Variants in ARMC9 observed in about 807,000 individuals in gnomAD.
ARMC9 encodes the protein armadillo repeat containing 9.
A neutral mutation model predicts 107.0 loss-of-function variants in ARMC9; 94 were observed. That is an observed-to-expected ratio of 0.88 (90% confidence interval 0.74 to 1.04). The LOEUF (loss-of-function observed/expected upper bound fraction) is 1.04. Ranked by LOEUF, ARMC9 falls within the 50% of genes least tolerant of loss-of-function variation. The probability of loss-of-function intolerance (pLI) is 0.00; values close to 1 mark genes in which losing one functional copy is unlikely to be tolerated. For missense variants in ARMC9, 942 were observed against 1,030.1 expected (o/e 0.91, Z 1.17); for synonymous variants, 380 against 396.9 (o/e 0.96, Z 0.51).
At chr2:231,288,769 C>T (rs781010826) in intron 17 of ARMC9, 9 of 469,214 alleles carry the variant, frequency 1.9e-5, no homozygotes, top group East Asian at 6.9e-5. Flanking sequence ...GGCTACGCAC[C>T]GTGGTTTGAC....
rs1407410858 is a variant in ARMC9, at chr2:231,373,045, TCATGTGACTGGCCTGGTGGC to T, written c.*1513_*1532del. 6.6e-6 allele frequency: 1 copy of T among 152,176 alleles called. No individual in the cohort carries two copies. The highest frequency in any genetic ancestry group is 1.5e-5 in the Non-Finnish European group (1 of 68,060). The allele number at this position is 152,176 out of a possible 1,614,324, so 9.4% of individuals were successfully genotyped here. ...TCCAGGCTGGGCACATTAGATGCTG[TCATGTGACTGGCCTGGTGGC>T]CACCTCTTGGTTCTCTGGAAATGTG... On this transcript the variant is annotated 3_prime_UTR_variant, in exon 25 of 25. Transcript: ENST00000611582. The surrounding 1 kb of genome is among the most constrained non-coding windows in gnomAD (Gnocchi z 4.4).
At chr2:231,245,063 C>G (rs1008983978) in intron 9 of ARMC9, among the ~76,000 whole-genome samples, 1 of 152,204 alleles carries the variant, frequency 6.6e-6, no homozygotes, top group African/African-American at 2.4e-5. Flanking sequence ...TCGAAGCTGG[C>G]ACAGGTGTCT....
intron 17 of ARMC9, among the ~76,000 whole-genome samples, chr2:231,289,125 T>G (rs1310672014): frequency 6.6e-6 from 1 of 152,216 alleles, no homozygotes; most frequent in Non-Finnish European, 1.5e-5. Flanking sequence ...ATGACTTCTT[T>G]CTATAATTTA....
chr2:231,229,501 A>G lies in ARMC9; in HGVS notation c.622+2703A>G, dbSNP rs77227354. Among the ~76,000 whole-genome samples the G allele has an allele frequency of 3.5e-3, 533 of 152,342 alleles. 6 individuals are homozygous for G. Among genetic ancestry groups the G allele is most frequent in the African/African-American group, 0.012 (508 of 41,578 alleles). On this transcript the variant is annotated intron_variant, in intron 7 of 24. Coordinates refer to ENST00000611582, the MANE Select transcript of ARMC9 (RefSeq NM_001352754.2). Reference sequence around the variant, plus strand: ...ATAAAAACAGGTTGACAATGTAGTAACATCGGATTATTATTTTCACCTAGT... The same window carrying G: ...ATAAAAACAGGTTGACAATGTAGTAGCATCGGATTATTATTTTCACCTAGT...
chr2:231,298,857 C>A (rs2041544744), intron 19 of ARMC9, among the ~76,000 whole-genome samples: 1 of 152,194 alleles, frequency 6.6e-6, no homozygotes, highest in African/African-American at 2.4e-5. Context: ...TCACCTGAAC[C>A]TGGGAGGCGG....
intron 11 of ARMC9, 61 bp downstream of exon 11, chr2:231,259,163 G>A: frequency 7.2e-7 from 1 of 1,391,156 alleles, no homozygotes; most frequent in Middle Eastern, 1.8e-4. Flanking sequence ...TTTCTTGGCT[G>A]GCTACCTTGC....
chr2:231,290,899 CA>C (rs1161575155), intron 17 of ARMC9, among the ~76,000 whole-genome samples: 4 of 147,762 alleles, frequency 2.7e-5, no homozygotes, highest in Admixed American at 2.0e-4. Context: ...GCTCCCAGAC[CA>C]ACATATTGCC....
At chr2:231,237,622 C>T (rs1484577262) in intron 8 of ARMC9, among the ~76,000 whole-genome samples, 1 of 151,374 alleles carries the variant, frequency 6.6e-6, no homozygotes, top group African/African-American at 2.4e-5. Flanking sequence ...CACGGCAACA[C>T]CAAATAGGAC....
At chr2:231,288,701 T>A in intron 17 of ARMC9, 1 of 471,180 alleles carries the variant, frequency 2.1e-6, no homozygotes, top group Non-Finnish European at 4.4e-6. Context: ...ATTTTGCTGC[T>A]GACAACATCA....
chr2:231,326,321 GT>G (rs1475725229), intron 19 of ARMC9, among the ~76,000 whole-genome samples: 1 of 152,208 alleles, frequency 6.6e-6, no homozygotes, highest in East Asian at 1.9e-4. Context: ...AAGATGTAAA[GT>G]GCTATGGAAA....
chr2:231,332,852 A>G (rs1254545794), intron 20 of ARMC9, among the ~76,000 whole-genome samples: 1 of 152,162 alleles, frequency 6.6e-6, no homozygotes, highest in Non-Finnish European at 1.5e-5. Context: ...AGAACTTTGA[A>G]GCTGGTGGTT....
At chr2:231,366,638 C>G (rs925874317) in intron 23 of ARMC9, among the ~76,000 whole-genome samples, 1 of 151,812 alleles carries the variant, frequency 6.6e-6, no homozygotes, top group South Asian at 2.1e-4. Context: ...GTCAGGAGAT[C>G]GAGACCATCC....
At chr2:231,278,803 C>G (rs2039977284) in intron 16 of ARMC9, among the ~76,000 whole-genome samples, 1 of 152,066 alleles carries the variant, frequency 6.6e-6, no homozygotes, top group Non-Finnish European at 1.5e-5. Flanking sequence ...GTGGATGGAG[C>G]CTTAAAAGAG....
chr2:231,273,315 G>A (rs1014756424), intron 14 of ARMC9, among the ~76,000 whole-genome samples: 3 of 152,150 alleles, frequency 2.0e-5, no homozygotes, highest in African/African-American at 7.2e-5. Context: ...GGACATTATC[G>A]AGTGCCAGCC....
intron 15 of ARMC9, 42 bp from the exon 16 acceptor site, chr2:231,278,340 G>A (rs1281802196): frequency 1.9e-6 from 3 of 1,595,480 alleles, no homozygotes; most frequent in Non-Finnish European, 2.6e-6. Context: ...TGTGCTTCTG[G>A]GTTTAGACAT....
chr2:231,276,878 G>T, intron 15 of ARMC9, 103 bp downstream of exon 15: 1 of 1,448,856 alleles, frequency 6.9e-7, no homozygotes, highest in Non-Finnish European at 9.2e-7. Context: ...TAGTCTCATA[G>T]AAAACTAAAA....
At chr2:231,344,168 C>T (rs1480727012) in intron 20 of ARMC9, among the ~76,000 whole-genome samples, 3 of 152,188 alleles carry the variant, frequency 2.0e-5, no homozygotes, top group Non-Finnish European at 4.4e-5. Flanking sequence ...CTAGTATTTA[C>T]ACTCAAGGAT....
intron 20 of ARMC9, among the ~76,000 whole-genome samples, chr2:231,343,201 C>G (rs939649137): frequency 5.3e-5 from 8 of 152,002 alleles, no homozygotes; most frequent in Admixed American, 1.3e-4. Context: ...GTGTGAGCCA[C>G]TGTACCCGGA....
intron 12 of ARMC9, among the ~76,000 whole-genome samples, chr2:231,263,351 G>A (rs914037544): frequency 6.6e-6 from 1 of 152,160 alleles, no homozygotes; most frequent in Non-Finnish European, 1.5e-5. Context: ...TCATAGTTCT[G>A]GAGTCTAGGA....
Sources: allele counts gnomAD v4.1 joint callset (sites outside exome capture counted in the v4.1 genomes callset), GRCh38; gene constraint gnomAD v4.1.1; non-coding constraint Gnocchi (gnomAD v3.1); transcripts MANE v1.5; gene names NCBI Gene and HGNC (gene_info 2026-07-23, HGNC 2026-07-21).